The following TERB1 variants were observed in gnomAD, a reference collection of about 807,000 sequenced individuals.
TERB1 encodes the protein telomere repeat binding bouquet formation protein 1.
A neutral mutation model predicts 92.3 loss-of-function variants in TERB1; 63 were observed. The ratio of observed to expected loss-of-function variants is 0.68; its 90% CI spans 0.56 to 0.84. TERB1 has a LOEUF of 0.84. Among genes scored for constraint, TERB1 ranks in the 40% least tolerant of loss-of-function variants. The pLI is 0.00. For missense variants in TERB1, 709 were observed against 843.7 expected, an observed-to-expected ratio of 0.84 and a Z score of 1.98; for synonymous variants, 252 against 283.9, an observed-to-expected ratio of 0.89 and a Z score of 1.13.
chr16:66,790,468 G>A (rs572389809), intron 5 of TERB1, 127 bp downstream of exon 5: 59 of 615,454 alleles, frequency 9.6e-5, no homozygotes, highest in South Asian at 6.3e-5. Context: ...GGGGGAAGGA[G>A]GCTAGATAAA....
At chr16:66,760,130 C>CAAAAAAAAA (rs148772308) in intron 16 of TERB1, among the ~76,000 whole-genome samples, 9 of 23,392 alleles carry the variant, frequency 3.8e-4, no homozygotes, top group Admixed American at 6.7e-4. Context: ...GACTCCATCT[C>CAAAAAAAAA]AAAAAAAAAA....
At chr16:66,769,899 T>C in intron 14 of TERB1, 64 bp downstream of exon 14, 1 of 1,068,632 alleles carries the variant, frequency 9.4e-7, no homozygotes, top group Non-Finnish European at 1.4e-6. Flanking sequence ...CAGTGTGGCA[T>C]ACTGTAGTAC....
intron 16 of TERB1, among the ~76,000 whole-genome samples, chr16:66,764,867 A>G (rs186587382): frequency 1.3e-5 from 2 of 152,334 alleles, no homozygotes; most frequent in Non-Finnish European, 2.9e-5. Context: ...TTAAAGTAAC[A>G]AGAAGATATT....
At position 66,796,778 on chromosome 16, in the gene TERB1, CTT is replaced by C; in HGVS notation, c.19_20del (p.Lys7GlufsTer8). The C allele has an allele frequency of 6.5e-7, 1 of 1,538,866 alleles. No homozygotes were observed. On this transcript the variant is annotated frameshift_variant, in exon 3 of 19. Coordinates refer to ENST00000433154, the MANE Select transcript of TERB1 (RefSeq NM_001136505.2). LOFTEE classifies it high-confidence loss of function. ...CCATCAATTTCTCACCTTGTGTTTT[CTT>C]TGTGTCTTCACTTTCCATGCTTGTC... The part of the protein sequence containing the change: MESEDT[K>X]KTQEMKTDLN...
rs1260744518 is a variant in TERB1, at chr16:66,790,923, A to T, written c.128T>A (p.Ile43Asn). 1 of 1,545,896 alleles carries T rather than the reference A, an allele frequency of 6.5e-7. No homozygotes were observed. Reference protein sequence around the residue: ...QKEALVTIHSICQQNSNASVY... With the variant: ...QKEALVTIHSNCQQNSNASVY... Reference sequence around the variant, plus strand: ...TTATATCTTACTGTTTTGTTGACAAATTGAATGAATAGTGACCAAAGCTTC... The same window carrying T: ...TTATATCTTACTGTTTTGTTGACAATTTGAATGAATAGTGACCAAAGCTTC... The change falls in exon 4 of 19, where the codon ATT becomes AAT. Residue 43 changes from isoleucine (I) to asparagine (N), a missense_variant. Coordinates refer to ENST00000433154, the MANE Select transcript of TERB1 (RefSeq NM_001136505.2).
At chr16:66,767,338 CAAAAA>C in intron 16 of TERB1, 72 bp downstream of exon 16, 1 of 694,884 alleles carries the variant, frequency 1.4e-6, no homozygotes. Context: ...GACTCTGTAT[CAAAAA>C]AAAAAAAAAA....
chr16:66,794,012 C>T (rs1387191074), intron 3 of TERB1, among the ~76,000 whole-genome samples: 1 of 152,194 alleles, frequency 6.6e-6, no homozygotes, highest in African/African-American at 2.4e-5. Flanking sequence ...TAAGCCACAT[C>T]AACGTGCCAA....
Position 66,759,298 on chromosome 16 carries a change from A to G in TERB1, c.1781-8T>C. ...TTTCTACTGCTATGCAACCTAAAAG[A>G]AAACAAATTAAAGTTATGTGTAGAT... On this transcript the variant is annotated splice_region_variant and splice_polypyrimidine_tract_variant and intron_variant, in intron 16 of 18. Transcript: ENST00000433154. 6.6e-7 allele frequency: 1 copy of G among 1,522,804 alleles called. No individual in the cohort carries two copies. The highest frequency in any genetic ancestry group is 1.3e-5 in the South Asian group (1 of 78,680). 94.3% of individuals were successfully genotyped at this position (1,522,804 alleles called of 1,614,324 possible).
chr16:66,768,021 C>A, intron 15 of TERB1, 83 bp downstream of exon 15: 5 of 1,139,834 alleles, frequency 4.4e-6, no homozygotes, highest in Non-Finnish European at 6.4e-6. Flanking sequence ...AGCCACCGCA[C>A]CCAGTCAATG....
chr16:66,795,598 G>A (rs1007303820), intron 3 of TERB1, among the ~76,000 whole-genome samples: 2 of 152,114 alleles, frequency 1.3e-5, no homozygotes, highest in Admixed American at 6.5e-5. Context: ...TGGAGGTTTC[G>A]TAAATGGTTT....
rs143337966 is a variant in TERB1, at chr16:66,797,690, G to A, written c.-32-860C>T. 7.5e-5 allele frequency among the ~76,000 whole-genome samples: 11 copies of A among 146,752 alleles called. No homozygotes were observed. The East Asian group carries it at 2.2e-3, about 30-fold the overall frequency. Reference sequence around the variant, plus strand: ...TTTAGATTGGCCTTTCTCTTCACAAGCTAAATACTAAATTAACAACCCATG... The same window carrying A: ...TTTAGATTGGCCTTTCTCTTCACAAACTAAATACTAAATTAACAACCCATG... On this transcript the variant is annotated intron_variant, in intron 2 of 18. Coordinates refer to ENST00000433154, the MANE Select transcript of TERB1 (RefSeq NM_001136505.2).
intron 11 of TERB1, among the ~76,000 whole-genome samples, chr16:66,776,009 C>T (rs2018542246): frequency 6.6e-6 from 1 of 151,902 alleles, no homozygotes; most frequent in South Asian, 2.1e-4. Flanking sequence ...CATGTCCAGC[C>T]CCCAAAAGGA....
chr16:66,770,217 A>G lies in TERB1; in HGVS notation c.1365T>C (p.Ile455=), dbSNP rs1454924858. The part of the protein sequence containing the change: ...NTWKHLHADR[I]GRGSKAEDED... ...CATCTTCTGCTTTGCTACCTCGACCAATCCGATCTGCATGGAGATGTTTCC... is the reference window on the plus strand; with the variant it reads ...CATCTTCTGCTTTGCTACCTCGACCGATCCGATCTGCATGGAGATGTTTCC... Residue 455 remains isoleucine (I), a synonymous_variant, in exon 14 of 19, where the codon ATT becomes ATC. Coordinates refer to ENST00000433154, the MANE Select transcript of TERB1 (RefSeq NM_001136505.2). The G allele has an allele frequency of 1.9e-6, 3 of 1,552,118 alleles. No homozygotes were observed. The African/African-American group carries it at 4.1e-5, about 21-fold the overall frequency.
intron 12 of TERB1, among the ~76,000 whole-genome samples, chr16:66,774,476 C>T (rs148992039): frequency 2.6e-5 from 4 of 151,364 alleles, no homozygotes; most frequent in South Asian, 2.1e-4. Context: ...TGAGCCACCG[C>T]GCCCGGCCCC....
intron 12 of TERB1, among the ~76,000 whole-genome samples, chr16:66,774,478 C>G (rs1457106784): frequency 6.6e-6 from 1 of 152,122 alleles, no homozygotes; most frequent in African/African-American, 2.4e-5. Flanking sequence ...AGCCACCGCG[C>G]CCGGCCCCAA....
chr16:66,792,897 G>A (rs1256461580), intron 3 of TERB1, among the ~76,000 whole-genome samples: 2 of 152,008 alleles, frequency 1.3e-5, no homozygotes, highest in Non-Finnish European at 2.9e-5. Flanking sequence ...AAGCTGATAT[G>A]GGTGCATCAG....
At chr16:66,785,666 A>G (rs1304171024) in intron 9 of TERB1, 120 bp downstream of exon 9, 1 of 1,032,506 alleles carries the variant, frequency 9.7e-7, no homozygotes, top group East Asian at 2.7e-5. Context: ...AAGAGTCTAA[A>G]TACATCCAAA....
In TERB1 at chr16:66,791,026, A is replaced by T. The variant is rs1283805105; in HGVS notation, c.32-7T>A. Reference sequence around the variant, plus strand: ...TTCAGGTCAGTCTTCATTTCTAAAGAACAAAAATGTCATTATTTTAAACCA... The same window carrying T: ...TTCAGGTCAGTCTTCATTTCTAAAGTACAAAAATGTCATTATTTTAAACCA... On this transcript the variant is annotated splice_region_variant and splice_polypyrimidine_tract_variant and intron_variant, in intron 3 of 18. Coordinates refer to ENST00000433154, the MANE Select transcript of TERB1 (RefSeq NM_001136505.2). 7.0e-7 allele frequency: 1 copy of T among 1,438,272 alleles called. No homozygotes were observed. Among genetic ancestry groups the T allele is most frequent in the Admixed American group, 2.4e-5 (1 of 42,314 alleles). 89.1% of individuals were successfully genotyped at this position (1,438,272 alleles called of 1,614,324 possible).
At chr16:66,769,852 T>C (rs931250866) in intron 14 of TERB1, 111 bp downstream of exon 14, 11 of 791,124 alleles carry the variant, frequency 1.4e-5, no homozygotes, top group Non-Finnish European at 2.0e-5. Context: ...CCCAAGACCA[T>C]GTTTCATCAT....
Sources: gnomAD v4.1 joint callset for allele counts (sites outside exome capture counted in the v4.1 genomes callset) on GRCh38, gnomAD v4.1.1 for gene constraint, MANE v1.5 for transcripts, NCBI Gene and HGNC (gene_info 2026-07-23, HGNC 2026-07-21) for gene names.